RAPGEF2: variants seen among roughly 807,000 people sequenced by gnomAD.
RAPGEF2 encodes Rap guanine nucleotide exchange factor 2.
In RAPGEF2, 54 loss-of-function variants were observed where a neutral mutation model predicts 186.7. The observed-to-expected ratio is 0.29, with a 90% confidence interval of 0.23 to 0.36. The LOEUF is 0.36. Ranked by LOEUF, RAPGEF2 falls within the 10% of genes least tolerant of loss-of-function variation. The pLI is 1.00. For synonymous variants in RAPGEF2, 712 were observed against 705.9 expected (o/e 1.01, Z -0.14); for missense variants, 1,532 against 2,045.0 (o/e 0.75, Z 4.84).
At chr4:159,138,423 AT>A (rs1741955829) in intron 1 of RAPGEF2, among the ~76,000 whole-genome samples, 1 of 152,220 alleles carries the variant, frequency 6.6e-6, no homozygotes, top group Admixed American at 6.5e-5. Flanking sequence ...GCCACATTGA[AT>A]AAAGCCTTAT....
At chr4:159,253,359 A>G (rs552955142) in intron 7 of RAPGEF2, among the ~76,000 whole-genome samples, 47 of 152,262 alleles carry the variant, frequency 3.1e-4, no homozygotes, top group Non-Finnish European at 6.3e-4. Flanking sequence ...AACATCATGC[A>G]TTGGTCACTG....
chr4:159,255,388 G>A (rs987990017), intron 7 of RAPGEF2, among the ~76,000 whole-genome samples: 1 of 150,150 alleles, frequency 6.7e-6, no homozygotes, highest in Non-Finnish European at 1.5e-5. Context: ...CCTTTGTGCT[G>A]CCTTCAGTCT....
At chr4:159,130,623 AG>A (rs997593561) in intron 1 of RAPGEF2, among the ~76,000 whole-genome samples, 2 of 152,216 alleles carry the variant, frequency 1.3e-5, no homozygotes, top group African/African-American at 4.8e-5. Context: ...AATTAGAGTT[AG>A]TAGAGTAGGA....
At position 159,332,668 on chromosome 4, in the gene RAPGEF2, G is replaced by C. The variant is rs778336313; in HGVS notation, c.2106G>C (p.Arg702=). The C allele has an allele frequency of 4.8e-5, 77 of 1,614,006 alleles. No homozygotes were observed. The highest frequency in any genetic ancestry group is 6.0e-5 in the Non-Finnish European group (71 of 1,180,012). ...NKLKKILDKT[R]ISILPQKPYN... is the part of the protein sequence containing the mutation. Reference sequence around the variant, plus strand: ...TGAAAAAGATACTCGACAAGACTCGGATCAGTATCTTGCCACAGAAACCAT... The same window carrying C: ...TGAAAAAGATACTCGACAAGACTCGCATCAGTATCTTGCCACAGAAACCAT... Residue 702 remains arginine, a synonymous_variant, in exon 17 of 30, where the codon CGG becomes CGC. Coordinates refer to ENST00000691494, the MANE Select transcript of RAPGEF2 (RefSeq NM_001394067.2).
At chr4:159,261,400 A>C (rs888934301) in intron 7 of RAPGEF2, among the ~76,000 whole-genome samples, 1 of 152,234 alleles carries the variant, frequency 6.6e-6, no homozygotes, top group African/African-American at 2.4e-5. Context: ...GAACTTAGTA[A>C]ATCCTAACAG....
At chr4:159,333,113 G>T (rs897118639) in intron 17 of RAPGEF2, among the ~76,000 whole-genome samples, 1 of 152,048 alleles carries the variant, frequency 6.6e-6, no homozygotes, top group African/African-American at 2.4e-5. Flanking sequence ...CCGAGTAGCT[G>T]GGATTACAGA....
chr4:159,336,083 A>G (rs945558277), intron 17 of RAPGEF2, among the ~76,000 whole-genome samples: 2 of 152,206 alleles, frequency 1.3e-5, no homozygotes, highest in Non-Finnish European at 2.9e-5. Flanking sequence ...TGCCGGTTAT[A>G]TGATTAAATA....
chr4:159,104,502 G>GAGAGAGAT (rs1560964460), intron 1 of RAPGEF2, among the ~76,000 whole-genome samples: 1 of 124,112 alleles, frequency 8.1e-6, no homozygotes, highest in African/African-American at 3.6e-5. Context: ...GAGAGAGAGA[G>GAGAGAGAT]AGAGAGAGAG....
At chr4:159,265,344 A>C (rs1215640868) in intron 7 of RAPGEF2, among the ~76,000 whole-genome samples, 1 of 152,192 alleles carries the variant, frequency 6.6e-6, no homozygotes, top group Non-Finnish European at 1.5e-5. Flanking sequence ...GCTTCAGTGA[A>C]GGGATAAACA....
At chr4:159,140,839 T>A (rs1369926826) in intron 1 of RAPGEF2, among the ~76,000 whole-genome samples, 2 of 151,120 alleles carry the variant, frequency 1.3e-5, no homozygotes, top group African/African-American at 2.4e-5. Flanking sequence ...AAAAAAAAAT[T>A]TTTTTTTTTT....
chr4:159,293,275 G>A (rs1258028146), intron 7 of RAPGEF2, among the ~76,000 whole-genome samples: 1 of 151,950 alleles, frequency 6.6e-6, no homozygotes, highest in Non-Finnish European at 1.5e-5. Flanking sequence ...TTATCACATC[G>A]GTTTCTTTTC....
At chr4:159,230,796 C>G (rs1046215645) in intron 4 of RAPGEF2, among the ~76,000 whole-genome samples, 1 of 152,088 alleles carries the variant, frequency 6.6e-6, no homozygotes, top group Non-Finnish European at 1.5e-5. Flanking sequence ...CACTTCTCAA[C>G]TTGTCATTGG....
intron 1 of RAPGEF2, among the ~76,000 whole-genome samples, chr4:159,117,787 C>T (rs182330252): frequency 3.9e-5 from 6 of 152,220 alleles, no homozygotes; most frequent in East Asian, 3.9e-4. Flanking sequence ...TAAAATTTCA[C>T]AACACTGGGC....
chr4:159,160,677 A>G (rs574481646), intron 1 of RAPGEF2, among the ~76,000 whole-genome samples: 1 of 149,884 alleles, frequency 6.7e-6, no homozygotes, highest in South Asian at 2.3e-4. Context: ...AGCAAACTAT[A>G]TGGATGAAGA....
intron 1 of RAPGEF2, among the ~76,000 whole-genome samples, chr4:159,172,825 A>G (rs1746053962): frequency 6.6e-6 from 1 of 152,152 alleles, no homozygotes; most frequent in Admixed American, 6.5e-5. Flanking sequence ...ATATTTTTAC[A>G]TATTTTTAAG....
At chr4:159,344,172 C>G (rs1327078534) in intron 23 of RAPGEF2, 113 bp downstream of exon 23, 18 of 1,141,896 alleles carry the variant, frequency 1.6e-5, no homozygotes, top group Non-Finnish European at 2.1e-5. Flanking sequence ...TTTTCCTTAA[C>G]CCTCGTGCTG....
chr4:159,275,438 T>G (rs1433498416), intron 7 of RAPGEF2, among the ~76,000 whole-genome samples: 8 of 152,198 alleles, frequency 5.3e-5, no homozygotes, highest in Non-Finnish European at 1.2e-4. Flanking sequence ...AATATTGACT[T>G]GGTTTGATTA....
Position 159,350,247 on chromosome 4 carries a change from C to T in RAPGEF2, c.3823C>T (p.Leu1275Phe). ...TACAATATCAAATGCATCTTCGCAG[C>T]TTTCTTCTCCTCCTACTTCTCCACA... is the stretch of plus-strand genomic sequence containing the variant. The part of the protein sequence containing the change: ...EDTISNASSQ[L>F]SSPPTSPQSS... Residue 1275 changes from leucine to phenylalanine, a missense_variant, in exon 26 of 30, where the codon CTT becomes TTT. Leu to Phe is a conservative substitution (Grantham distance 22, BLOSUM62 0). Transcript: ENST00000691494. 1.9e-6 allele frequency: 3 copies of T among 1,598,654 alleles called. No homozygotes were observed. The highest frequency in any genetic ancestry group is 2.6e-6 in the Non-Finnish European group (3 of 1,173,116).
At chr4:159,261,189 AT>A (rs1756806201) in intron 7 of RAPGEF2, among the ~76,000 whole-genome samples, 1 of 151,890 alleles carries the variant, frequency 6.6e-6, no homozygotes, top group Admixed American at 6.6e-5. Context: ...AGCTTCCCAA[AT>A]AGCTGGGACT....
Sources: gnomAD v4.1 joint callset for allele counts (sites outside exome capture counted in the v4.1 genomes callset) on GRCh38, gnomAD v4.1.1 for gene constraint, MANE v1.5 for transcripts, NCBI Gene and HGNC (gene_info 2026-07-23, HGNC 2026-07-21) for gene names.